The following LMLN variants were observed in gnomAD, a reference collection of about 807,000 sequenced individuals.
LMLN encodes leishmanolysin like peptidase.
LMLN carries 70 observed loss-of-function variants against 92.3 expected under a neutral mutation model. That is an observed-to-expected ratio of 0.76 (90% CI 0.63 to 0.92). The LOEUF is 0.92. LMLN is among the 40% of genes least tolerant of loss of function. The pLI is 0.00. For synonymous variants in LMLN, 308 were observed against 296.2 expected, an observed-to-expected ratio of 1.04 and a Z score of -0.41; for missense variants, 691 against 814.6, an observed-to-expected ratio of 0.85 and a Z score of 1.85.
chr3:197,983,938 G>C lies in LMLN; in HGVS notation c.729-5G>C. 1 of 1,584,284 alleles carries C rather than the reference G, an allele frequency of 6.3e-7. No homozygotes were observed. Among genetic ancestry groups the C allele is most frequent in the Non-Finnish European group, 8.7e-7 (1 of 1,154,492 alleles). On this transcript the variant is annotated splice_polypyrimidine_tract_variant and splice_region_variant and intron_variant, in intron 6 of 15. Coordinates refer to ENST00000330198, the Ensembl canonical transcript of LMLN. ...AATTTAAAAATTCAATGTCTGTTTT[G>C]ACAGGCCAATAGCAGGATATGCTAA...
rs575365751 is a variant in LMLN at position 198,015,772 on chromosome 3, T to C, written c.1233-3481T>C. Among the ~76,000 whole-genome samples the C allele has an allele frequency of 2.5e-4, 38 of 152,148 alleles. 1 individual carries two copies. The South Asian group carries it at 7.7e-3, about 31-fold the overall frequency. ...GACTTCTCTCCACCCTTCAGAGTCT[T>C]CTTTTGTTTCTTTAATTTACAGTGT... On this transcript the variant is annotated intron_variant, in intron 11 of 15. Coordinates refer to ENST00000330198, the Ensembl canonical transcript of LMLN.
chr3:198,038,856 CA>C, exon 16 of LMLN: 1 of 478,802 alleles, frequency 2.1e-6, no homozygotes, highest in Non-Finnish European at 3.8e-6. Context: ...GCAACCCAAC[CA>C]CCTTCATCAG....
At chr3:198,003,055 T>G (rs1722218621) in intron 11 of LMLN, 2 of 1,551,496 alleles carry the variant, frequency 1.3e-6, no homozygotes, top group South Asian at 1.2e-5. Flanking sequence ...GAAGTTAGAC[T>G]GGGGCCGAGG....
At chr3:197,960,922 G>A (rs1720853861) in intron 1 of LMLN, among the ~76,000 whole-genome samples, 1 of 152,080 alleles carries the variant, frequency 6.6e-6, no homozygotes, top group Non-Finnish European at 1.5e-5. Flanking sequence ...TGGGACGTTG[G>A]GGGCTCACTG....
rs1308399769 is a variant in LMLN at position 198,025,340 on chromosome 3, A to G, written c.1656+552A>G. The stretch of plus-strand genomic sequence containing the variant: ...AGTGTTTTTTCCTTTGTAATTAGAA[A>G]TCCAAAAAGGGCAAACTACAATTTT... On this transcript the variant is annotated intron_variant, in intron 14 of 15. Transcript: ENST00000330198. The surrounding 1 kb of genome is among the most constrained non-coding windows in gnomAD (Gnocchi z 4.3). 3.3e-5 allele frequency among the ~76,000 whole-genome samples: 5 copies of G among 152,112 alleles called. No individual in the cohort carries two copies. The highest frequency in any genetic ancestry group is 1.2e-4 in the African/African-American group (5 of 41,424).
At chr3:198,009,473 T>A (rs1324335352) in intron 11 of LMLN, among the ~76,000 whole-genome samples, 1 of 152,232 alleles carries the variant, frequency 6.6e-6, no homozygotes, top group East Asian at 1.9e-4. Context: ...AGAGTAATAC[T>A]AGCTTTATAA....
At chr3:197,997,066 CTCTT>C (rs947068667) in intron 10 of LMLN, among the ~76,000 whole-genome samples, 22 of 127,188 alleles carry the variant, frequency 1.7e-4, no homozygotes, top group African/African-American at 6.0e-4. Context: ...CTTTCTTTCT[CTCTT>C]TCTTTCCTTT....
At chr3:198,038,772 T>C (rs991576053) in exon 16 of LMLN, 2 of 866,678 alleles carry the variant, frequency 2.3e-6, no homozygotes, top group Non-Finnish European at 3.8e-6. Flanking sequence ...GAAGTGGCAT[T>C]CCTGGCTTTG....
intron 11 of LMLN, among the ~76,000 whole-genome samples, chr3:198,011,189 T>C (rs1722426563): frequency 2.0e-5 from 3 of 152,246 alleles, no homozygotes; most frequent in Admixed American, 6.5e-5. Flanking sequence ...TTGTTACATA[T>C]GTATACATGT....
intron 1 of LMLN, among the ~76,000 whole-genome samples, chr3:197,966,678 A>G (rs528480915): frequency 2.0e-5 from 3 of 151,236 alleles, no homozygotes; most frequent in East Asian, 3.9e-4. Flanking sequence ...TTTTTTTTGA[A>G]TGTCAAATCA....
In LMLN at chr3:198,024,789, G is replaced by T; in HGVS notation, c.1656+1G>T. ...AGACTGGGGAAGCGGATGCTATCAG[G>T]TAAGCTTATGTTTGTTATTAGTTGT... On this transcript the variant is annotated splice_donor_variant, in intron 14 of 15. Transcript: ENST00000330198. LOFTEE classifies it high-confidence loss of function. The T allele has an allele frequency of 6.2e-7, 1 of 1,600,760 alleles. No homozygotes were observed. Among genetic ancestry groups the T allele is most frequent in the Non-Finnish European group, 8.5e-7 (1 of 1,175,676 alleles).
In LMLN at chr3:198,019,134, G is replaced by C. The variant is rs1010208193; in HGVS notation, c.1233-119G>C. 4.2e-5 allele frequency: 41 copies of C among 982,444 alleles called. No homozygotes were observed. Among genetic ancestry groups the C allele is most frequent in the Non-Finnish European group, 6.1e-5 (41 of 676,750 alleles). The allele number at this position is 982,444 out of a possible 1,614,324, so 60.9% of individuals were successfully genotyped here. On this transcript the variant is annotated intron_variant, in intron 11 of 15. Coordinates refer to ENST00000330198, the Ensembl canonical transcript of LMLN. This position sits in a 1 kb window ranked among gnomAD's most constrained non-coding sequence, Gnocchi z 5.5. ...CCATCTCTTTCCAAGAATCCCATTT[G>C]TTAATTATGAAGGTTTGTATTTTTA...
intron 11 of LMLN, among the ~76,000 whole-genome samples, chr3:198,012,233 T>G (rs1395805781): frequency 6.6e-6 from 1 of 152,086 alleles, no homozygotes; most frequent in Non-Finnish European, 1.5e-5. Context: ...CCCGGCTAAT[T>G]TTTTTATTTG....
chr3:197,991,848 T>G (rs1291722295), intron 9 of LMLN, among the ~76,000 whole-genome samples: 1 of 150,524 alleles, frequency 6.6e-6, no homozygotes, highest in African/African-American at 2.5e-5. Context: ...AGCAAGGTTT[T>G]ATTCTACTGA....
chr3:197,962,972 A>G (rs1444839709), intron 1 of LMLN, among the ~76,000 whole-genome samples: 1 of 152,150 alleles, frequency 6.6e-6, no homozygotes, highest in Non-Finnish European at 1.5e-5. Context: ...AGACAGATCC[A>G]TATAAATTTT....
In LMLN at chr3:198,019,658, C is replaced by G. The variant is rs1338881156; in HGVS notation, c.1365+273C>G. ...CCTGTTTATGTTTTCTAATTGTTTCCAAAGCCTTGCTATTTAAATTCCTCT... is the reference window on the plus strand; with the variant it reads ...CCTGTTTATGTTTTCTAATTGTTTCGAAAGCCTTGCTATTTAAATTCCTCT... On this transcript the variant is annotated intron_variant, in intron 12 of 15. Coordinates refer to ENST00000330198, the Ensembl canonical transcript of LMLN. This position sits in a 1 kb window ranked among gnomAD's most constrained non-coding sequence, Gnocchi z 5.5. 6.6e-6 allele frequency among the ~76,000 whole-genome samples: 1 copy of G among 152,052 alleles called. No homozygotes were observed.
chr3:198,000,236 T>TA (rs1384989319), intron 11 of LMLN, among the ~76,000 whole-genome samples: 4 of 151,708 alleles, frequency 2.6e-5, no homozygotes, highest in African/African-American at 7.3e-5. Flanking sequence ...CCCCTACATA[T>TA]AAAAAAAATG....
chr3:198,010,673 A>G (rs1366783834), intron 11 of LMLN, among the ~76,000 whole-genome samples: 1 of 150,068 alleles, frequency 6.7e-6, no homozygotes, highest in Non-Finnish European at 1.5e-5. Flanking sequence ...CTAGTCTTGA[A>G]CTCCTGGGCT....
chr3:197,972,763 T>A (rs540121049), intron 1 of LMLN, among the ~76,000 whole-genome samples: 2 of 152,252 alleles, frequency 1.3e-5, no homozygotes, highest in South Asian at 4.1e-4. Flanking sequence ...AACTCTTATC[T>A]CCTGTTGTTG....
Sources: allele counts gnomAD v4.1 joint callset (sites outside exome capture counted in the v4.1 genomes callset), GRCh38; gene constraint gnomAD v4.1.1; non-coding constraint Gnocchi (gnomAD v3.1); transcripts MANE v1.5; gene names NCBI Gene and HGNC (gene_info 2026-07-23, HGNC 2026-07-21).